MSH5: variants seen among roughly 807,000 people sequenced by gnomAD.
MSH5 encodes the protein mutS homolog 5.
MSH5 carries 78 observed loss-of-function variants against 107.7 expected under a neutral mutation model. The observed-to-expected ratio is 0.72, with a 90% confidence interval of 0.60 to 0.87. The LOEUF (loss-of-function observed/expected upper bound fraction) is 0.87, where lower values mean the gene tolerates loss of function less well. Ranked by LOEUF, MSH5 falls within the 40% of genes least tolerant of loss-of-function variation. The pLI is 0.00. For missense variants in MSH5, 889 were observed against 1,046.6 expected, an observed-to-expected ratio of 0.85 and a Z score of 2.08; for synonymous variants, 326 against 399.5, an observed-to-expected ratio of 0.82 and a Z score of 2.19.
chr6:31,753,415 C>T lies in MSH5; in HGVS notation c.927C>T (p.Leu309=). Residue 309 remains leucine (L), a synonymous_variant, in exon 11 of 25, where the codon CTC becomes CTT. Coordinates refer to ENST00000375750, the MANE Select transcript of MSH5 (RefSeq NM_172166.4). ...NLDMAQMLHR[L]LGHIKNVPLI... is the part of the protein sequence containing the mutation. ...ACATGGCTCAGATGCTGCATCGGCT[C>T]CTGGGTCACATCAAGAACGTGCCTG... 2 of 1,614,060 alleles carry T rather than the reference C, an allele frequency of 1.2e-6. No homozygotes were observed. The highest frequency in any genetic ancestry group is 2.2e-5 in the East Asian group (1 of 44,884).
chr6:31,753,539 C>T, intron 11 of MSH5, 28 bp from the exon 12 acceptor site: 1 of 1,614,082 alleles, frequency 6.2e-7, no homozygotes, highest in Non-Finnish European at 8.5e-7. Context: ...GAAGAGAAAA[C>T]AGCGGCTGTA....
In MSH5 at chr6:31,745,231, C is replaced by CG. The variant is rs1809322731; in HGVS notation, c.684-5dup. The CG allele has an allele frequency of 6.2e-7, 1 of 1,602,736 alleles. No homozygotes were observed. The highest frequency in any genetic ancestry group is 2.2e-5 in the East Asian group (1 of 44,828). On this transcript the variant is annotated splice_polypyrimidine_tract_variant and splice_region_variant and intron_variant, in intron 8 of 24. Transcript: ENST00000375750. Reference sequence around the variant, plus strand: ...TACCCCAAACTCCTCCATTTCTCCTCGACAGTGTTCTACAGATTTTTAAGA... The same window carrying CG: ...TACCCCAAACTCCTCCATTTCTCCTCGGACAGTGTTCTACAGATTTTTAAGA...
At position 31,740,565 on chromosome 6, in the gene MSH5, C is replaced by T; in HGVS notation, c.99C>T (p.Pro33=). Residue 33 remains proline, a synonymous_variant, in exon 2 of 25, where the codon CCC becomes CCT. Coordinates refer to ENST00000375750, the MANE Select transcript of MSH5 (RefSeq NM_172166.4). The surrounding 1 kb of genome is among the most constrained non-coding windows in gnomAD (Gnocchi z 4.4). ...GFPSPAPVPG[P]REAEEEEVEE... is the part of the protein sequence containing the mutation. ...CCAGCCCGGCCCCAGTGCCGGGCCC[C>T]AGGGAGGCCGAGGAGGAGGAAGTCG... 2 of 1,518,428 alleles carry T rather than the reference C, an allele frequency of 1.3e-6. No homozygotes were observed. The highest frequency in any genetic ancestry group is 1.2e-5 in the South Asian group (1 of 80,576). 94.1% of individuals were successfully genotyped at this position (1,518,428 alleles called of 1,614,324 possible). A position where few individuals can be genotyped will look rare whatever the true frequency, so the allele number is the denominator to read the frequency against.
At chr6:31,749,815 G>A (rs1389766062) in intron 10 of MSH5, among the ~76,000 whole-genome samples, 1 of 152,118 alleles carries the variant, frequency 6.6e-6, no homozygotes, top group Non-Finnish European at 1.5e-5. Context: ...TGAACACAAC[G>A]CAAATGTAAA....
chr6:31,743,576 A>G (rs533695207), intron 5 of MSH5: 1 of 453,270 alleles, frequency 2.2e-6, no homozygotes, highest in African/African-American at 2.0e-5. Context: ...GTACTATCCT[A>G]ATTAGATATT....
At chr6:31,753,198 A>T in intron 10 of MSH5, 103 bp from the exon 11 acceptor site, 3 of 1,390,436 alleles carry the variant, frequency 2.2e-6, no homozygotes, top group Admixed American at 1.9e-5. Context: ...TCGTGGATAC[A>T]TATTGCCACA....
Position 31,762,142 on chromosome 6 carries a change from A to G in MSH5, c.2350A>G (p.Ile784Val). ...VSDLIRSGKPIKPVKDLLKKN... is the reference protein window; with the variant it reads ...VSDLIRSGKPVKPVKDLLKKN... Reference sequence around the variant, plus strand: ...AGACTTGATCCGCAGTGGAAAACCCATCAAGCCTGTCAAGGATTTGCTAAA... The same window carrying G: ...AGACTTGATCCGCAGTGGAAAACCCGTCAAGCCTGTCAAGGATTTGCTAAA... Residue 784 changes from isoleucine (I) to valine (V), a missense_variant, in exon 24 of 25, where the codon ATC becomes GTC. Physicochemically the swap from Ile to Val is conservative, Grantham distance 29. Around this residue, in one of 3 missense-constraint regions of MSH5, gnomAD observed 362 missense variants for 456.2 expected, o/e 0.79. Transcript: ENST00000375750. 2 of 1,614,196 alleles carry G rather than the reference A, an allele frequency of 1.2e-6. No individual in the cohort carries two copies. The highest frequency in any genetic ancestry group is 8.5e-7 in the Non-Finnish European group (1 of 1,180,030).
At position 31,753,354 on chromosome 6, in the gene MSH5, A is replaced by G; in HGVS notation, c.866A>G (p.Asp289Gly). Residue 289 changes from aspartate (D) to glycine (G), a missense_variant, in exon 11 of 25, where the codon GAC (aspartate) becomes GGC (glycine). Asp to Gly is a moderately conservative substitution (Grantham distance 94). This residue lies in a region of MSH5 where 518 missense variants were observed against 565.0 expected (regional missense o/e 0.92). Coordinates refer to ENST00000375750, the MANE Select transcript of MSH5 (RefSeq NM_172166.4). ...CTGGGGGAGCTCAGTTCTCGTCTGG[A>G]CGTCATTCAGTTTTTTCTGCTGCCC... Reference protein sequence around the residue: ...HDLGELSSRLDVIQFFLLPQN... With the variant: ...HDLGELSSRLGVIQFFLLPQN... The G allele has an allele frequency of 6.2e-7, 1 of 1,614,068 alleles. No individual in the cohort carries two copies.
Position 31,758,326 on chromosome 6 carries a change from G to A in MSH5, c.1143+33G>A. 1 of 1,609,772 alleles carries A rather than the reference G, an allele frequency of 6.2e-7. No individual in the cohort carries two copies. The highest frequency in any genetic ancestry group is 8.5e-7 in the Non-Finnish European group (1 of 1,177,996). On this transcript the variant is annotated intron_variant, in intron 13 of 24. Transcript: ENST00000375750. The surrounding 1 kb of genome is among the most constrained non-coding windows in gnomAD (Gnocchi z 5.1). ...GAAGGAAAAAGGGAGTGCACCCAGGGAGGTCAGGGAGAGAGAATGCAGTGT... is the reference window on the plus strand; with the variant it reads ...GAAGGAAAAAGGGAGTGCACCCAGGAAGGTCAGGGAGAGAGAATGCAGTGT...
rs1809154087 is a variant in MSH5, at chr6:31,743,929, C to T, written c.441C>T (p.Leu147=). 1.2e-6 allele frequency: 2 copies of T among 1,613,356 alleles called. No homozygotes were observed. The highest frequency in any genetic ancestry group is 1.3e-5 in the African/African-American group (1 of 74,932). The stretch of plus-strand genomic sequence containing the variant: ...GTCTGGAGATAAGCAAACAACGCCT[C>T]CTTTCTGGAAACTACTCCTTCATCC... ...DFGLEISKQR[L]LSGNYSFIPD... The change falls in exon 6 of 25, where the codon CTC becomes CTT. Residue 147 remains leucine, a synonymous_variant. Coordinates refer to ENST00000375750, the MANE Select transcript of MSH5 (RefSeq NM_172166.4).
intron 10 of MSH5, 78 bp downstream of exon 10, chr6:31,747,510 A>G (rs1259757810): frequency 1.3e-6 from 2 of 1,485,906 alleles, no homozygotes; most frequent in Non-Finnish European, 1.9e-6. Context: ...TACTAATGGC[A>G]GTATACAGAT....
In MSH5 at chr6:31,758,746, C is replaced by A; in HGVS notation, c.1217-20C>A. Reference sequence around the variant, plus strand: ...GCAGGAGACTCACTTTTGATAACCACGTGTCTTCCACCCTCGTAGAAAAGC... The same window carrying A: ...GCAGGAGACTCACTTTTGATAACCAAGTGTCTTCCACCCTCGTAGAAAAGC... On this transcript the variant is annotated intron_variant, in intron 14 of 24. Transcript: ENST00000375750. This position sits in a 1 kb window ranked among gnomAD's most constrained non-coding sequence, Gnocchi z 5.1. 6.2e-7 allele frequency: 1 copy of A among 1,611,974 alleles called. No individual in the cohort carries two copies. The highest frequency in any genetic ancestry group is 8.5e-7 in the Non-Finnish European group (1 of 1,178,050).
chr6:31,762,592 G>T lies in MSH5; in HGVS notation c.*61G>T. ...TCCGGTGGGCTGCCATGCCCTCTTT[G>T]TTTCCTTATCTCCCTCAGACGCAGA... On this transcript the variant is annotated 3_prime_UTR_variant, in exon 25 of 25. Coordinates refer to ENST00000375750, the MANE Select transcript of MSH5 (RefSeq NM_172166.4). 9.8e-7 allele frequency: 1 copy of T among 1,023,218 alleles called. No individual in the cohort carries two copies. The allele number at this position is 1,023,218 out of a possible 1,614,324, so 63.4% of individuals were successfully genotyped here. A position where few individuals can be genotyped will look rare whatever the true frequency, so the allele number is the denominator to read the frequency against.
Position 31,744,581 on chromosome 6 carries a change from G to C in MSH5, c.683G>C (p.Ser228Thr). ...GTGAACATAGATCAAGACACTTACA[G>C]GTAAAGAGGTGGAGGCATGCTGCTG... The part of the protein sequence containing the change: ...HLVNIDQDTY[S>T]VLQIFKSESH... Residue 228 changes from serine to threonine, a missense_variant and splice_region_variant, in exon 8 of 25, where the codon AGT (serine) becomes ACT (threonine). Coordinates refer to ENST00000375750, the MANE Select transcript of MSH5 (RefSeq NM_172166.4). The C allele has an allele frequency of 6.2e-7, 1 of 1,613,160 alleles. No individual in the cohort carries two copies. Among genetic ancestry groups the C allele is most frequent in the Non-Finnish European group, 8.5e-7 (1 of 1,180,012 alleles).
At chr6:31,741,088 A>C in intron 2 of MSH5, 75 bp from the exon 3 acceptor site, 6 of 1,537,690 alleles carry the variant, frequency 3.9e-6, no homozygotes, top group Non-Finnish European at 5.3e-6. Flanking sequence ...AAAATGATTA[A>C]ATTATATAAG....
chr6:31,741,015 C>T (rs1808816768), intron 2 of MSH5, 148 bp from the exon 3 acceptor site: 1 of 990,634 alleles, frequency 1.0e-6, no homozygotes, highest in African/African-American at 1.6e-5. Context: ...AGTCTCTTAC[C>T]TCCTGAGTGG....
Position 31,760,125 on chromosome 6 carries a change from T to G in MSH5, c.1721T>G (p.Val574Gly), listed in dbSNP as rs1439080670. 3 of 1,608,578 alleles carry G rather than the reference T, an allele frequency of 1.9e-6. No individual in the cohort carries two copies. The highest frequency in any genetic ancestry group is 2.5e-6 in the Non-Finnish European group (3 of 1,177,366). ...ATGGAACTCTGTGCCCGAACCTTTG[T>G]GCCCAACTCCACAGAATGTGGTGGG... The part of the protein sequence containing the change: ...PLMELCARTF[V>G]PNSTECGGDK... The change falls in exon 19 of 25, where the codon GTG becomes GGG. Residue 574 changes from valine to glycine, a missense_variant. By Grantham distance (109) the Val-to-Gly change is moderately radical (BLOSUM62 -3). Around this residue, in one of 3 missense-constraint regions of MSH5, gnomAD observed 362 missense variants for 456.2 expected, o/e 0.79. Transcript: ENST00000375750. The surrounding 1 kb of genome is among the most constrained non-coding windows in gnomAD (Gnocchi z 5.6).
At chr6:31,747,350 CT>C (rs1175273715) in intron 9 of MSH5, 36 bp from the exon 10 acceptor site, 1 of 1,610,154 alleles carries the variant, frequency 6.2e-7, no homozygotes, top group Admixed American at 1.7e-5. Context: ...CTGTCCCTGC[CT>C]TGTAACAAGT....
Position 31,744,596 on chromosome 6 carries a change from G to C in MSH5, c.683+15G>C, listed in dbSNP as rs371821825. On this transcript the variant is annotated intron_variant, in intron 8 of 24. Coordinates refer to ENST00000375750, the MANE Select transcript of MSH5 (RefSeq NM_172166.4). ...GACACTTACAGGTAAAGAGGTGGAG[G>C]CATGCTGCTGTCTCTGGGGAGGGAG... 5 of 1,612,902 alleles carry C rather than the reference G, an allele frequency of 3.1e-6. No homozygotes were observed. In the African/African-American group the frequency reaches 6.7e-5, roughly 22 times the overall value.
Sources: allele counts gnomAD v4.1 joint callset (sites outside exome capture counted in the v4.1 genomes callset), GRCh38; gene constraint gnomAD v4.1.1; regional missense constraint gnomAD v4.1.1; non-coding constraint Gnocchi (gnomAD v3.1); transcripts MANE v1.5; gene names NCBI Gene and HGNC (gene_info 2026-07-23, HGNC 2026-07-21).